STON2: variants seen among roughly 807,000 people sequenced by gnomAD.
STON2 encodes the protein stonin-2.
In STON2, 29 loss-of-function variants were observed where a neutral mutation model predicts 65.7. That is an observed-to-expected ratio of 0.44 (90% CI 0.33 to 0.60). The LOEUF (loss-of-function observed/expected upper bound fraction) is 0.60. Ranked by LOEUF, STON2 falls within the 20% of genes least tolerant of loss-of-function variation. The probability of loss-of-function intolerance (pLI) is 0.03; values close to 1 mark genes in which losing one functional copy is unlikely to be tolerated. For missense variants in STON2, 1,054 were observed against 1,118.1 expected (o/e 0.94, Z 0.82); for synonymous variants, 404 against 414.2 (o/e 0.98, Z 0.30).
intron 5 of STON2, among the ~76,000 whole-genome samples, chr14:81,283,591 C>T (rs535698887): frequency 1.4e-5 from 2 of 141,528 alleles, no homozygotes; most frequent in African/African-American, 2.7e-5. Context: ...AATGCAGTGG[C>T]GCTATCTCGG....
Position 81,263,452 on chromosome 14 carries a change from C to A in STON2, c.*4962G>T, listed in dbSNP as rs1189059713. ...ACTCGGGAGGTTGAGGCAGGAGAAT[C>A]ACTTGAACCCGGGAGGCGGAGGTTG... On this transcript the variant is annotated 3_prime_UTR_variant, in exon 8 of 8. Coordinates refer to ENST00000614646, the MANE Select transcript of STON2 (RefSeq NM_001394390.1). 7.0e-6 allele frequency among the ~76,000 whole-genome samples: 1 copy of A among 142,000 alleles called. No homozygotes were observed. Among genetic ancestry groups the A allele is most frequent in the Admixed American group, 7.6e-5 (1 of 13,200 alleles). 93.2% of individuals were successfully genotyped at this position (142,000 alleles called of 152,430 possible). A position where few individuals can be genotyped will look rare whatever the true frequency, so the allele number is the denominator to read the frequency against.
chr14:81,422,651 C>A (rs756467584), intron 2 of STON2, among the ~76,000 whole-genome samples: 8 of 152,156 alleles, frequency 5.3e-5, no homozygotes, highest in Non-Finnish European at 1.0e-4. Flanking sequence ...TCTGGATGCC[C>A]AGTTTTCCAG....
chr14:81,417,794 G>A (rs1008936383), intron 2 of STON2, among the ~76,000 whole-genome samples: 12 of 152,186 alleles, frequency 7.9e-5, no homozygotes, highest in African/African-American at 2.9e-4. Flanking sequence ...GAAGATGACT[G>A]ACTCTTGGAG....
At position 81,270,867 on chromosome 14, in the gene STON2, C is replaced by G; in HGVS notation, c.2587G>C (p.Gly863Arg). Residue 863 changes from glycine to arginine, a missense_variant, in exon 7 of 8, where the codon GGT (glycine) becomes CGT (arginine). Physicochemically the swap from Gly to Arg is moderately radical, Grantham distance 125. Coordinates refer to ENST00000614646, the MANE Select transcript of STON2 (RefSeq NM_001394390.1). ...TGGCAAAAGAAACAGTGTGGGTGACCGGAAGCTATGAAAGAAAGACAATCG... is the reference window on the plus strand; with the variant it reads ...TGGCAAAAGAAACAGTGTGGGTGACGGGAAGCTATGAAAGAAAGACAATCG... ...NRLPDKNSASGHPHCFFCHLE... is the reference protein window; with the variant it reads ...NRLPDKNSASRHPHCFFCHLE... 1 of 1,612,228 alleles carries G rather than the reference C, an allele frequency of 6.2e-7. No individual in the cohort carries two copies. The highest frequency in any genetic ancestry group is 2.2e-5 in the East Asian group (1 of 44,860).
intron 3 of STON2, among the ~76,000 whole-genome samples, chr14:81,373,085 T>G (rs900609035): frequency 6.6e-6 from 1 of 152,198 alleles, no homozygotes; most frequent in Non-Finnish European, 1.5e-5. Flanking sequence ...CACTGTCTAA[T>G]GTACTACACG....
chr14:81,285,417 AGAACAAGAAGTG>A (rs1457125477), intron 5 of STON2, among the ~76,000 whole-genome samples: 2 of 152,232 alleles, frequency 1.3e-5, no homozygotes, highest in Non-Finnish European at 2.9e-5. Flanking sequence ...AAACAGTGAG[AGAACAAGAAGTG>A]AAACCTGAAG....
chr14:81,421,247 T>C (rs962461577), intron 2 of STON2, among the ~76,000 whole-genome samples: 1 of 152,160 alleles, frequency 6.6e-6, no homozygotes, highest in Non-Finnish European at 1.5e-5. Flanking sequence ...AATAAAAAGA[T>C]ATGTTTTCTG....
intron 3 of STON2, among the ~76,000 whole-genome samples, chr14:81,371,588 G>C (rs775783073): frequency 1.1e-4 from 16 of 148,966 alleles, no homozygotes; most frequent in Non-Finnish European, 2.1e-4. Flanking sequence ...CCAGCTACTC[G>C]GGAGGCTGAG....
intron 2 of STON2, among the ~76,000 whole-genome samples, chr14:81,407,556 C>T (rs1303611136): frequency 6.6e-6 from 1 of 152,162 alleles, no homozygotes; most frequent in East Asian, 1.9e-4. Context: ...CTATGAAAAT[C>T]GCCACATCCA....
At chr14:81,297,062 A>T (rs1335522109) in intron 5 of STON2, among the ~76,000 whole-genome samples, 2 of 152,074 alleles carry the variant, frequency 1.3e-5, no homozygotes, top group Non-Finnish European at 2.9e-5. Flanking sequence ...GGACTTCCGG[A>T]GTGTGTCAGG....
chr14:81,402,398 G>C (rs1262318522), upstream of STON2, among the ~76,000 whole-genome samples: 4 of 152,208 alleles, frequency 2.6e-5, no homozygotes. Flanking sequence ...AGATACCACA[G>C]CAACCTAAAA....
intron 4 of STON2, among the ~76,000 whole-genome samples, chr14:81,347,738 C>G (rs61560331): frequency 1.4e-5 from 2 of 148,074 alleles, no homozygotes; most frequent in African/African-American, 5.1e-5. Flanking sequence ...ACCCCCTCCC[C>G]CTTCTCTATA....
intron 6 of STON2, among the ~76,000 whole-genome samples, chr14:81,271,314 T>C (rs1894581890): frequency 6.6e-6 from 1 of 152,246 alleles, no homozygotes; most frequent in Admixed American, 6.5e-5. Context: ...TTCTTAATAG[T>C]ATTTCATACT....
At chr14:81,406,717 A>G (rs1900882400) in intron 2 of STON2, among the ~76,000 whole-genome samples, 1 of 152,102 alleles carries the variant, frequency 6.6e-6, no homozygotes, top group Admixed American at 6.5e-5. Flanking sequence ...TGGACCACCA[A>G]TGTCCCCCAC....
chr14:81,314,252 G>C (rs1388110748), intron 5 of STON2, among the ~76,000 whole-genome samples: 1 of 152,252 alleles, frequency 6.6e-6, no homozygotes, highest in Non-Finnish European at 1.5e-5. Flanking sequence ...GCCCAACCCA[G>C]TGCCCTTTTG....
chr14:81,349,429 TCAAA>T (rs1897940709), intron 4 of STON2, among the ~76,000 whole-genome samples: 1 of 151,762 alleles, frequency 6.6e-6, no homozygotes, highest in Non-Finnish European at 1.5e-5. Context: ...GGGCAAAGGA[TCAAA>T]CAGACACTTG....
rs1276100203 is a variant in STON2 at position 81,298,369 on chromosome 14, A to G, written c.743-19630T>C. On this transcript the variant is annotated intron_variant, in intron 5 of 7. Coordinates refer to ENST00000614646, the MANE Select transcript of STON2 (RefSeq NM_001394390.1). The stretch of plus-strand genomic sequence containing the variant: ...TGTCATCCACAGACTAGTCTGAGGG[A>G]GGCTTCCTCTAGCTCCAGGCCTCTA... Among the ~76,000 whole-genome samples the G allele has an allele frequency of 8.3e-5, 12 of 143,740 alleles. No homozygotes were observed. The Admixed American group carries it at 8.4e-4, about 10-fold the overall frequency. The allele number at this position is 143,740 out of a possible 152,430, so 94.3% of individuals were successfully genotyped here. A position where few individuals can be genotyped will look rare whatever the true frequency, so the allele number is the denominator to read the frequency against.
At position 81,348,587 on chromosome 14, in the gene STON2, G is replaced by A. The variant is rs111961865; in HGVS notation, c.571+22401C>T. 9.0e-3 allele frequency among the ~76,000 whole-genome samples: 1,371 copies of A among 152,150 alleles called. 31 individuals are homozygous for A. Among genetic ancestry groups the A allele is most frequent in the African/African-American group, 0.031 (1,299 of 41,526 alleles). ...GGAAAACTACAAACCATTGATTAAA[G>A]AAATTGAAGAGGACATCAAAAAAAT... On this transcript the variant is annotated intron_variant, in intron 4 of 7. Transcript: ENST00000614646.
At position 81,308,640 on chromosome 14, in the gene STON2, T is replaced by G. The variant is rs191559215; in HGVS notation, c.742+15377A>C. Among the ~76,000 whole-genome samples, 16 of 151,750 alleles carry G rather than the reference T, an allele frequency of 1.1e-4. No individual in the cohort carries two copies. The East Asian group carries it at 3.1e-3, about 30-fold the overall frequency. On this transcript the variant is annotated intron_variant, in intron 5 of 7. Transcript: ENST00000614646. ...TGGCCACTCATGCTACAACTCTACG[T>G]CCATCCCTAATAACCCATGGGCAGG...
Sources: gnomAD v4.1 joint callset for allele counts (sites outside exome capture counted in the v4.1 genomes callset) on GRCh38, gnomAD v4.1.1 for gene constraint, MANE v1.5 for transcripts, NCBI Gene and HGNC (gene_info 2026-07-23, HGNC 2026-07-21) for gene names.